Variants in SLC9A9 observed in about 807,000 individuals in gnomAD.
SLC9A9 encodes solute carrier family 9 member A9.
A neutral mutation model predicts 77.8 loss-of-function variants in SLC9A9; 62 were observed. That is an observed-to-expected ratio of 0.80 (90% CI 0.65 to 0.98). The LOEUF (loss-of-function observed/expected upper bound fraction) is 0.98. Ranked by LOEUF, SLC9A9 falls within the 50% of genes least tolerant of loss-of-function variation. The probability of loss-of-function intolerance (pLI) is 0.00; values close to 1 mark genes in which losing one functional copy is unlikely to be tolerated. For missense variants in SLC9A9, 775 were observed against 774.9 expected (o/e 1.00, Z 0.00); for synonymous variants, 320 against 283.5 (o/e 1.13, Z -1.29).
chr3:143,770,595 C>T lies in SLC9A9; in HGVS notation c.533+24406G>A, dbSNP rs78523289. 3.7e-3 allele frequency among the ~76,000 whole-genome samples: 564 copies of T among 152,082 alleles called. 2 individuals carry two copies. Among genetic ancestry groups the T allele is most frequent in the African/African-American group, 0.013 (522 of 41,484 alleles). Reference sequence around the variant, plus strand: ...ATCAAATAATCCAAACATAAACAAACGGACAGATAAGTACTTGAGGAAAAC... The same window carrying T: ...ATCAAATAATCCAAACATAAACAAATGGACAGATAAGTACTTGAGGAAAAC... On this transcript the variant is annotated intron_variant, in intron 4 of 15. Transcript: ENST00000316549.
chr3:143,801,634 C>A (rs78528516), intron 2 of SLC9A9, among the ~76,000 whole-genome samples: 4 of 152,154 alleles, frequency 2.6e-5, no homozygotes, highest in African/African-American at 9.7e-5. Context: ...TCACCCTGAT[C>A]ACATTTGGTT....
intron 2 of SLC9A9, among the ~76,000 whole-genome samples, chr3:143,829,880 A>G (rs968952467): frequency 4.6e-5 from 7 of 152,192 alleles, no homozygotes; most frequent in African/African-American, 1.7e-4. Flanking sequence ...TTTGAACATT[A>G]AAACAATCCT....
chr3:143,733,030 T>G (rs1463715314), intron 4 of SLC9A9, among the ~76,000 whole-genome samples: 1 of 152,206 alleles, frequency 6.6e-6, no homozygotes, highest in East Asian at 1.9e-4. Context: ...ATTCTCTACA[T>G]GAACTGGCTG....
At chr3:143,729,171 TC>T (rs1934739650) in intron 4 of SLC9A9, among the ~76,000 whole-genome samples, 1 of 152,002 alleles carries the variant, frequency 6.6e-6, no homozygotes, top group African/African-American at 2.4e-5. Context: ...ATGCATCAAC[TC>T]CCTAAGGAAG....
At chr3:143,592,202 T>G (rs6808788) in intron 6 of SLC9A9, among the ~76,000 whole-genome samples, 1 of 152,104 alleles carries the variant, frequency 6.6e-6, no homozygotes, top group Admixed American at 6.5e-5. Context: ...AGAGGAAGAA[T>G]TGAATAATCA....
At chr3:143,415,986 A>G (rs1264153339) in intron 12 of SLC9A9, among the ~76,000 whole-genome samples, 1 of 152,178 alleles carries the variant, frequency 6.6e-6, no homozygotes, top group Admixed American at 6.5e-5. Context: ...TCCAACCCTC[A>G]TGGATGACTC....
intron 6 of SLC9A9, among the ~76,000 whole-genome samples, chr3:143,629,643 C>G (rs868538179): frequency 6.6e-6 from 1 of 151,294 alleles, no homozygotes; most frequent in East Asian, 1.9e-4. Context: ...CTATAATAGT[C>G]GGGCAAAATT....
intron 6 of SLC9A9, among the ~76,000 whole-genome samples, chr3:143,609,896 T>C (rs1197523132): frequency 3.4e-5 from 5 of 147,670 alleles, no homozygotes; most frequent in African/African-American, 1.0e-4. Flanking sequence ...TTTTGTTTTA[T>C]AAATAATGTT....
At chr3:143,459,593 A>T (rs1222221924) in intron 12 of SLC9A9, among the ~76,000 whole-genome samples, 2 of 151,926 alleles carry the variant, frequency 1.3e-5, no homozygotes, top group Non-Finnish European at 2.9e-5. Flanking sequence ...TTCATTTCTT[A>T]TTGTCTTAGG....
intron 4 of SLC9A9, among the ~76,000 whole-genome samples, chr3:143,729,334 C>G (rs1934744045): frequency 6.6e-6 from 1 of 152,156 alleles, no homozygotes; most frequent in African/African-American, 2.4e-5. Context: ...TACTTGACCT[C>G]TCTACACTTC....
chr3:143,822,735 A>G (rs746318668), intron 2 of SLC9A9, among the ~76,000 whole-genome samples: 9 of 152,240 alleles, frequency 5.9e-5, no homozygotes, highest in South Asian at 4.1e-4. Flanking sequence ...GAACAAAGCA[A>G]TGGGGAAAAG....
At chr3:143,823,091 T>C (rs1213406241) in intron 2 of SLC9A9, among the ~76,000 whole-genome samples, 1 of 152,190 alleles carries the variant, frequency 6.6e-6, no homozygotes, top group Non-Finnish European at 1.5e-5. Flanking sequence ...CAGAGAATGA[T>C]AGATACCTGG....
chr3:143,796,038 C>G (rs1445774532), intron 3 of SLC9A9, among the ~76,000 whole-genome samples: 1 of 152,168 alleles, frequency 6.6e-6, no homozygotes, highest in Non-Finnish European at 1.5e-5. Context: ...CAGGAATCTC[C>G]TAGAGTGGGA....
chr3:143,758,607 T>G (rs1051496440), intron 4 of SLC9A9, among the ~76,000 whole-genome samples: 2 of 152,018 alleles, frequency 1.3e-5, no homozygotes, highest in Non-Finnish European at 2.9e-5. Flanking sequence ...TGTGGGAATA[T>G]GAGTGTCAGA....
At chr3:143,802,739 T>A (rs2008599915) in intron 2 of SLC9A9, among the ~76,000 whole-genome samples, 1 of 152,184 alleles carries the variant, frequency 6.6e-6, no homozygotes, top group South Asian at 2.1e-4. Context: ...AATAGACTAA[T>A]GGTCTTTTAA....
chr3:143,747,542 A>C (rs2108821580), intron 4 of SLC9A9, among the ~76,000 whole-genome samples: 1 of 152,258 alleles, frequency 6.6e-6, no homozygotes, highest in Non-Finnish European at 1.5e-5. Context: ...AGGCAGAGAG[A>C]GACTTGAATA....
At chr3:143,363,614 T>G in intron 13 of SLC9A9, 51 bp from the exon 14 acceptor site, 1 of 1,516,282 alleles carries the variant, frequency 6.6e-7, no homozygotes. Context: ...AAAAAGATTT[T>G]AATATAAAAA....
At chr3:143,390,945 C>T (rs549448775) in intron 12 of SLC9A9, among the ~76,000 whole-genome samples, 13 of 152,300 alleles carry the variant, frequency 8.5e-5, no homozygotes, top group African/African-American at 2.6e-4. Flanking sequence ...GTAAACAAAG[C>T]GGCTGGGAAG....
chr3:143,784,953 A>G (rs902284164), intron 4 of SLC9A9, among the ~76,000 whole-genome samples: 4 of 152,164 alleles, frequency 2.6e-5, no homozygotes, highest in Non-Finnish European at 4.4e-5. Context: ...GAAATTGTTC[A>G]TCTGCAATCG....
Sources: gnomAD v4.1 joint callset for allele counts (sites outside exome capture counted in the v4.1 genomes callset) on GRCh38, gnomAD v4.1.1 for gene constraint, MANE v1.5 for transcripts, NCBI Gene and HGNC (gene_info 2026-07-23, HGNC 2026-07-21) for gene names.